The following NRXN1 variants were observed in gnomAD, a reference collection of about 807,000 sequenced individuals.
The protein encoded by NRXN1 is neurexin 1.
NRXN1 carries 39 observed loss-of-function variants against 150.9 expected under a neutral mutation model. That is an observed-to-expected ratio of 0.26 (90% CI 0.20 to 0.34). The LOEUF is 0.34. NRXN1 is among the 10% of genes least tolerant of loss of function. NRXN1 has a pLI of 1.00. For synonymous variants in NRXN1, 924 were observed against 757.0 expected, an observed-to-expected ratio of 1.22 and a Z score of -3.62; for missense variants, 1,815 against 1,949.9, an observed-to-expected ratio of 0.93 and a Z score of 1.30.
intron 8 of NRXN1, among the ~76,000 whole-genome samples, chr2:50,564,928 T>G (rs563520631): frequency 6.6e-6 from 1 of 152,178 alleles, no homozygotes; most frequent in African/African-American, 2.4e-5. Flanking sequence ...GCTACTGAAT[T>G]TCTCATGGCA....
At chr2:49,952,900 G>A (rs1573017815) in intron 21 of NRXN1, among the ~76,000 whole-genome samples, 1 of 152,104 alleles carries the variant, frequency 6.6e-6, no homozygotes, top group African/African-American at 2.4e-5. Flanking sequence ...TAAATACATG[G>A]AAGTGATCAT....
chr2:50,504,194 G>T (rs1573296180), intron 13 of NRXN1, among the ~76,000 whole-genome samples: 1 of 150,966 alleles, frequency 6.6e-6, no homozygotes, highest in South Asian at 2.1e-4. Flanking sequence ...TGTGCTGGAG[G>T]GGAAAAATGC....
intron 5 of NRXN1, among the ~76,000 whole-genome samples, chr2:50,855,385 G>T (rs776261011): frequency 2.4e-4 from 37 of 151,904 alleles, no homozygotes; most frequent in Non-Finnish European, 4.6e-4. Flanking sequence ...GAGACTCAAA[G>T]AATTCCACTG....
chr2:50,350,051 C>A (rs2078299181), intron 17 of NRXN1, among the ~76,000 whole-genome samples: 1 of 152,166 alleles, frequency 6.6e-6, no homozygotes, highest in Admixed American at 6.5e-5. Context: ...CCTGTGAACA[C>A]TGAATTAGCA....
At chr2:50,904,134 C>T (rs964069183) in intron 5 of NRXN1, among the ~76,000 whole-genome samples, 2 of 152,112 alleles carry the variant, frequency 1.3e-5, no homozygotes, top group African/African-American at 4.8e-5. Flanking sequence ...ACCTGAAATC[C>T]ATTAGCCTTA....
intron 18 of NRXN1, among the ~76,000 whole-genome samples, chr2:50,098,830 G>GTTTTTTTTTTTTTTTTTTTTTTTTT (rs746736925): frequency 2.8e-5 from 3 of 105,556 alleles, no homozygotes; most frequent in South Asian, 3.4e-4. Flanking sequence ...TTTGGTTTTA[G>GTTTTTTTTTTTTTTTTTTTTTTTTT]TTTTTTTTTT....
At chr2:50,348,167 C>G (rs2078182423) in intron 17 of NRXN1, among the ~76,000 whole-genome samples, 1 of 152,136 alleles carries the variant, frequency 6.6e-6, no homozygotes. Flanking sequence ...GGCTTGATAC[C>G]TTGTACTCAA....
chr2:51,027,969 G>A lies in NRXN1; in HGVS notation c.305C>T (p.Thr102Met). Residue 102 changes from threonine to methionine, a missense_variant, in exon 2 of 23, where the codon ACG becomes ATG. By Grantham distance (81) the Thr-to-Met change is moderately conservative (BLOSUM62 -1). Around this residue, in one of 6 missense-constraint regions of NRXN1, gnomAD observed 554 missense variants for 478.8 expected, o/e 1.16. Transcript: ENST00000401669. ...GTTAACCGGCGTGTCGGCCAGGAGC[G>A]TCGCAGGCTCAGCGCAGAAGATGGA... Reference protein sequence around the residue: ...SFSIFCAEPATLLADTPVNDG... With the variant: ...SFSIFCAEPAMLLADTPVNDG... 2 of 1,602,066 alleles carry A rather than the reference G, an allele frequency of 1.2e-6. No individual in the cohort carries two copies. Among genetic ancestry groups the A allele is most frequent in the Non-Finnish European group, 1.7e-6 (2 of 1,179,404 alleles).
At chr2:50,035,079 C>T (rs1236634802) in intron 21 of NRXN1, among the ~76,000 whole-genome samples, 1 of 152,098 alleles carries the variant, frequency 6.6e-6, no homozygotes, top group Non-Finnish European at 1.5e-5. Flanking sequence ...AAAATGAGCA[C>T]ATTCATTGAC....
At chr2:50,134,249 G>T (rs143667950) in intron 18 of NRXN1, among the ~76,000 whole-genome samples, 2 of 136,696 alleles carry the variant, frequency 1.5e-5, no homozygotes, top group Non-Finnish European at 1.5e-5. Context: ...AGGTATAGCT[G>T]CCAAAACCAA....
chr2:50,694,402 A>G, intron 5 of NRXN1, among the ~76,000 whole-genome samples: 1 of 152,194 alleles, frequency 6.6e-6, no homozygotes, highest in East Asian at 1.9e-4. Context: ...TAAACCATAA[A>G]TCAGTCAACT....
intron 5 of NRXN1, among the ~76,000 whole-genome samples, chr2:50,823,553 T>G (rs1390529523): frequency 6.6e-6 from 1 of 152,150 alleles, no homozygotes; most frequent in Non-Finnish European, 1.5e-5. Context: ...GCTTTTTCTA[T>G]GAATTAATGT....
chr2:50,796,732 T>A (rs1471497270), intron 5 of NRXN1, among the ~76,000 whole-genome samples: 1 of 152,220 alleles, frequency 6.6e-6, no homozygotes, highest in African/African-American at 2.4e-5. Context: ...TGATCAGATT[T>A]GTTAACTTTA....
At chr2:50,443,447 A>G (rs1430797276) in intron 17 of NRXN1, among the ~76,000 whole-genome samples, 2 of 152,184 alleles carry the variant, frequency 1.3e-5, no homozygotes, top group African/African-American at 4.8e-5. Context: ...GAGGACAGCT[A>G]GCAGCTCATG....
chr2:49,923,619 A>C (rs1668594792), intron 22 of NRXN1, among the ~76,000 whole-genome samples: 1 of 152,166 alleles, frequency 6.6e-6, no homozygotes, highest in Non-Finnish European at 1.5e-5. Context: ...ATTTCTGCAA[A>C]AGTTCTTGTT....
intron 2 of NRXN1, among the ~76,000 whole-genome samples, chr2:50,988,176 CAT>C (rs902604460): frequency 7.9e-5 from 12 of 152,110 alleles, no homozygotes; most frequent in South Asian, 2.1e-4. Context: ...TAATTTACCA[CAT>C]GAGTCTTGTC....
chr2:50,987,752 A>G (rs1254043328), intron 2 of NRXN1, among the ~76,000 whole-genome samples: 1 of 151,958 alleles, frequency 6.6e-6, no homozygotes, highest in Non-Finnish European at 1.5e-5. Context: ...TGAATCAATA[A>G]TAACTTGGAA....
At chr2:50,146,686 T>C (rs1472050702) in intron 18 of NRXN1, among the ~76,000 whole-genome samples, 4 of 151,606 alleles carry the variant, frequency 2.6e-5, no homozygotes, top group Non-Finnish European at 5.9e-5. Context: ...AAAAAACCAG[T>C]TTACGTTAAC....
intron 19 of NRXN1, among the ~76,000 whole-genome samples, chr2:50,083,917 A>AGCCCAGC: frequency 1.3e-5 from 2 of 152,294 alleles, no homozygotes; most frequent in South Asian, 4.1e-4. Flanking sequence ...TCCGCACCAG[A>AGCCCAGC]TCAGCTAGAC....
Sources: allele counts gnomAD v4.1 joint callset (sites outside exome capture counted in the v4.1 genomes callset), GRCh38; gene constraint gnomAD v4.1.1; regional missense constraint gnomAD v4.1.1; transcripts MANE v1.5; gene names NCBI Gene and HGNC (gene_info 2026-07-23, HGNC 2026-07-21).